LRRC4C: variants seen among roughly 807,000 people sequenced by gnomAD.
The protein encoded by LRRC4C is leucine rich repeat containing 4C.
A neutral mutation model predicts 33.6 loss-of-function variants in LRRC4C; 5 were observed. The observed-to-expected ratio is 0.15, with a 90% CI of 0.08 to 0.31. The LOEUF is 0.31. LRRC4C is among the 10% of genes least tolerant of loss of function. The pLI, the probability that LRRC4C is intolerant of heterozygous loss-of-function variation, is 1.00. For missense variants in LRRC4C, 560 were observed against 796.7 expected, an observed-to-expected ratio of 0.70 and a Z score of 3.58; for synonymous variants, 329 against 302.0, an observed-to-expected ratio of 1.09 and a Z score of -0.93.
At chr11:40,590,766 G>T (rs1959009219) in intron 3 of LRRC4C, among the ~76,000 whole-genome samples, 2 of 152,222 alleles carry the variant, frequency 1.3e-5, no homozygotes, top group South Asian at 4.1e-4. Context: ...CCCTGCTGGG[G>T]GGTGCCTCCC....
In LRRC4C at chr11:41,257,472, T is replaced by A. The variant is rs190258059; in HGVS notation, c.-496+201959A>T. Among the ~76,000 whole-genome samples the A allele has an allele frequency of 1.5e-4, 23 of 152,088 alleles. No homozygotes were observed. In the East Asian group the frequency reaches 4.3e-3, roughly 28 times the overall value. On this transcript the variant is annotated intron_variant, in intron 1 of 6. Transcript: ENST00000528697. ...AGCTAGCTGTTGGGAAGCCATGAGG[T>A]ATGGTTCAGTGCCTACCTGAGTGAT...
intron 5 of LRRC4C, among the ~76,000 whole-genome samples, chr11:40,196,977 A>C (rs1160018952): frequency 6.6e-6 from 1 of 152,214 alleles, no homozygotes; most frequent in Non-Finnish European, 1.5e-5. Context: ...CTAATTGGAT[A>C]ATTCAATATC....
chr11:41,301,931 AC>A (rs1166891218), intron 1 of LRRC4C, among the ~76,000 whole-genome samples: 1 of 151,792 alleles, frequency 6.6e-6, no homozygotes, highest in African/African-American at 2.4e-5. Context: ...ATTTACTTCC[AC>A]TACTTTTACT....
chr11:41,129,544 GT>G (rs1942915052), intron 1 of LRRC4C, among the ~76,000 whole-genome samples: 1 of 151,506 alleles, frequency 6.6e-6, no homozygotes, highest in African/African-American at 2.4e-5. Context: ...CTAATAGAAT[GT>G]TTTTTTCAAG....
At chr11:41,281,325 A>T (rs1297872992) in intron 1 of LRRC4C, among the ~76,000 whole-genome samples, 5 of 152,140 alleles carry the variant, frequency 3.3e-5, no homozygotes, top group Non-Finnish European at 5.9e-5. Context: ...TCTCTGATTC[A>T]CTATTCTCAT....
intron 2 of LRRC4C, among the ~76,000 whole-genome samples, chr11:40,877,319 T>G (rs1316096870): frequency 6.6e-6 from 1 of 152,158 alleles, no homozygotes; most frequent in Non-Finnish European, 1.5e-5. Flanking sequence ...TTCAAAGACT[T>G]AAATAGTTCT....
chr11:41,322,662 G>A (rs771684799), intron 1 of LRRC4C, among the ~76,000 whole-genome samples: 4 of 152,120 alleles, frequency 2.6e-5, no homozygotes, highest in Non-Finnish European at 5.9e-5. Flanking sequence ...ATCAGGTTAC[G>A]CTGCAGTGTA....
At chr11:40,495,887 T>C (rs1421119591) in intron 3 of LRRC4C, among the ~76,000 whole-genome samples, 1 of 137,294 alleles carries the variant, frequency 7.3e-6, no homozygotes, top group African/African-American at 2.7e-5. Flanking sequence ...TGGAGTGTAG[T>C]GATGCGATCT....
At chr11:41,199,086 A>C (rs1020702233) in intron 1 of LRRC4C, among the ~76,000 whole-genome samples, 1 of 152,140 alleles carries the variant, frequency 6.6e-6, no homozygotes, top group Non-Finnish European at 1.5e-5. Context: ...GCAGTGTAAA[A>C]GACAACTGTA....
chr11:40,528,329 G>A (rs1022924190), intron 3 of LRRC4C, among the ~76,000 whole-genome samples: 1 of 151,874 alleles, frequency 6.6e-6, no homozygotes, highest in African/African-American at 2.4e-5. Context: ...TAACTCGATA[G>A]CAAAACAACA....
chr11:41,351,266 C>G (rs1281988521), intron 1 of LRRC4C, among the ~76,000 whole-genome samples: 1 of 151,730 alleles, frequency 6.6e-6, no homozygotes, highest in East Asian at 1.9e-4. Flanking sequence ...CACACACACA[C>G]ACACATACAT....
chr11:40,779,695 G>A (rs896355575), intron 2 of LRRC4C, among the ~76,000 whole-genome samples: 25 of 152,118 alleles, frequency 1.6e-4, no homozygotes, highest in African/African-American at 5.8e-4. Flanking sequence ...TTTAAGTAGA[G>A]TCCCAAACAT....
intron 3 of LRRC4C, among the ~76,000 whole-genome samples, chr11:40,482,662 G>T (rs1953642467): frequency 6.6e-6 from 1 of 151,974 alleles, no homozygotes; most frequent in Admixed American, 6.6e-5. Flanking sequence ...TAGAGATGGG[G>T]TTTTGCTGTG....
chr11:40,988,594 G>T (rs144432413), intron 1 of LRRC4C, among the ~76,000 whole-genome samples: 7 of 152,116 alleles, frequency 4.6e-5, no homozygotes, highest in African/African-American at 9.6e-5. Flanking sequence ...TTGATACTGC[G>T]GTTATTCTGC....
chr11:40,648,883 C>T (rs1942622476), intron 2 of LRRC4C, among the ~76,000 whole-genome samples: 1 of 152,096 alleles, frequency 6.6e-6, no homozygotes, highest in African/African-American at 2.4e-5. Flanking sequence ...ACACCTGGGC[C>T]TCCGGGGGTG....
At chr11:40,230,411 A>T (rs1865117012) in intron 5 of LRRC4C, among the ~76,000 whole-genome samples, 1 of 152,138 alleles carries the variant, frequency 6.6e-6, no homozygotes, top group Non-Finnish European at 1.5e-5. Flanking sequence ...GCACATGTTT[A>T]CCCAAGAGGG....
intron 1 of LRRC4C, among the ~76,000 whole-genome samples, chr11:41,034,317 C>T (rs1856900911): frequency 6.6e-6 from 1 of 151,454 alleles, no homozygotes; most frequent in Admixed American, 6.6e-5. Context: ...TAGTGATACG[C>T]GTGCTCTTGG....
intron 5 of LRRC4C, among the ~76,000 whole-genome samples, chr11:40,188,930 A>T (rs1367219924): frequency 5.3e-5 from 8 of 152,218 alleles, no homozygotes; most frequent in Admixed American, 5.2e-4. Flanking sequence ...TTGGCATTAA[A>T]TTACCTCAAA....
intron 2 of LRRC4C, among the ~76,000 whole-genome samples, chr11:40,917,217 T>A (rs1159113705): frequency 2.6e-5 from 4 of 152,120 alleles, no homozygotes; most frequent in Non-Finnish European, 5.9e-5. Flanking sequence ...ATCCAGTCAG[T>A]TTTTTCCTTC....
Sources: allele counts gnomAD v4.1 joint callset (sites outside exome capture counted in the v4.1 genomes callset), GRCh38; gene constraint gnomAD v4.1.1; transcripts MANE v1.5; gene names NCBI Gene and HGNC (gene_info 2026-07-23, HGNC 2026-07-21).